The following GABRB3 variants were observed in gnomAD, a reference collection of about 807,000 sequenced individuals.
GABRB3 encodes the protein gamma-aminobutyric acid receptor subunit beta-3.
In GABRB3, 14 loss-of-function variants were observed where a neutral mutation model predicts 52.1. That is an observed-to-expected ratio of 0.27 (90% CI 0.18 to 0.42). The LOEUF (loss-of-function observed/expected upper bound fraction) is 0.42. Ranked by LOEUF, GABRB3 falls within the 10% of genes least tolerant of loss-of-function variation. The probability of loss-of-function intolerance (pLI) is 1.00; values close to 1 mark genes in which losing one functional copy is unlikely to be tolerated. For synonymous variants in GABRB3, 260 were observed against 232.3 expected, an observed-to-expected ratio of 1.12 and a Z score of -1.08; for missense variants, 307 against 609.1, an observed-to-expected ratio of 0.50 and a Z score of 5.22.
intron 3 of GABRB3, among the ~76,000 whole-genome samples, chr15:26,739,411 T>C (rs755318885): frequency 7.2e-5 from 11 of 152,016 alleles, no homozygotes; most frequent in Non-Finnish European, 1.5e-4. Context: ...AAAAACTACT[T>C]GTTTATAGCC....
At chr15:26,616,732 C>T (rs528817647) in intron 4 of GABRB3, among the ~76,000 whole-genome samples, 2 of 152,012 alleles carry the variant, frequency 1.3e-5, no homozygotes, top group South Asian at 4.2e-4. Context: ...CTACTAAAGG[C>T]TTATTATTAC....
chr15:26,761,867 C>G (rs1019816998), intron 3 of GABRB3, among the ~76,000 whole-genome samples: 1 of 152,188 alleles, frequency 6.6e-6, no homozygotes, highest in African/African-American at 2.4e-5. Context: ...CAGGGTTTCT[C>G]TCTGTCGCCC....
chr15:26,563,636 G>A (rs978895468), intron 7 of GABRB3, among the ~76,000 whole-genome samples: 6 of 152,214 alleles, frequency 3.9e-5, no homozygotes, highest in Non-Finnish European at 1.5e-5. Flanking sequence ...AACCGGCACT[G>A]TTAACACTAA....
chr15:26,665,643 C>T (rs1887687056), intron 3 of GABRB3, among the ~76,000 whole-genome samples: 1 of 152,102 alleles, frequency 6.6e-6, no homozygotes, highest in African/African-American at 2.4e-5. Context: ...CATAAATGCT[C>T]ATGTGGGCAC....
intron 3 of GABRB3, among the ~76,000 whole-genome samples, chr15:26,758,682 G>A (rs763591467): frequency 1.3e-5 from 2 of 152,020 alleles, no homozygotes; most frequent in Non-Finnish European, 2.9e-5. Context: ...TACCCCAGGT[G>A]TGCTAATTTG....
chr15:26,678,327 A>G (rs1367687061), intron 3 of GABRB3, among the ~76,000 whole-genome samples: 2 of 152,202 alleles, frequency 1.3e-5, no homozygotes, highest in African/African-American at 4.8e-5. Flanking sequence ...ATTGACACAC[A>G]TTCTAGTGCC....
At chr15:26,560,844 G>C in intron 8 of GABRB3, 88 bp downstream of exon 8, 1 of 1,571,706 alleles carries the variant, frequency 6.4e-7, no homozygotes, top group Non-Finnish European at 8.7e-7. Context: ...TACACTACTG[G>C]GGAAAAAACA....
rs990223796 is a variant in GABRB3, at chr15:26,580,714, T to G, written c.545-258A>C. 5.5e-6 allele frequency: 3 copies of G among 540,718 alleles called. No individual in the cohort carries two copies. In the African/African-American group the frequency reaches 5.7e-5, roughly 10 times the overall value. 33.5% of individuals were successfully genotyped at this position (540,718 alleles called of 1,614,324 possible). ...ATGGGTGCTCTGACCAGAGTTCTATTTGCGAAGTGTAACTTCAGAGCTGAC... is the reference window on the plus strand; with the variant it reads ...ATGGGTGCTCTGACCAGAGTTCTATGTGCGAAGTGTAACTTCAGAGCTGAC... On this transcript the variant is annotated intron_variant, in intron 5 of 8. Coordinates refer to ENST00000311550, the MANE Select transcript of GABRB3 (RefSeq NM_000814.6).
chr15:26,581,785 C>T (rs996947579), intron 5 of GABRB3, among the ~76,000 whole-genome samples: 2 of 152,232 alleles, frequency 1.3e-5, no homozygotes, highest in African/African-American at 2.4e-5. Context: ...CAGGCAACCT[C>T]GCAATCACTC....
At chr15:26,629,038 T>G in intron 3 of GABRB3, 1 of 1,536,148 alleles carries the variant, frequency 6.5e-7, no homozygotes, top group Non-Finnish European at 8.7e-7. Flanking sequence ...ATCCCGGTGC[T>G]GAGGTCCCAA....
intron 3 of GABRB3, among the ~76,000 whole-genome samples, chr15:26,717,910 T>G (rs1240572403): frequency 6.6e-6 from 1 of 152,248 alleles, no homozygotes; most frequent in Non-Finnish European, 1.5e-5. Context: ...TAAATGATAT[T>G]ATCCTCTGTT....
At chr15:26,620,750 C>T (rs1465577411) in intron 4 of GABRB3, among the ~76,000 whole-genome samples, 2 of 151,810 alleles carry the variant, frequency 1.3e-5, no homozygotes, top group African/African-American at 4.8e-5. Flanking sequence ...AAGCCCAGGG[C>T]CTCCTCACTG....
At position 26,686,704 on chromosome 15, in the gene GABRB3, G is replaced by T. The variant is rs111647036; in HGVS notation, c.241-65170C>A. The stretch of plus-strand genomic sequence containing the variant: ...CTTGCCCTGACAGTGTCCCAGGGAA[G>T]TGCTGAGACAGCATGAGCACAGCCT... On this transcript the variant is annotated intron_variant, in intron 3 of 8. Coordinates refer to ENST00000311550, the MANE Select transcript of GABRB3 (RefSeq NM_000814.6). Among the ~76,000 whole-genome samples the T allele has an allele frequency of 4.4e-3, 668 of 152,360 alleles. 8 individuals are homozygous for T. The highest frequency in any genetic ancestry group is 0.015 in the African/African-American group (640 of 41,592).
intron 3 of GABRB3, among the ~76,000 whole-genome samples, chr15:26,712,887 G>A (rs889814813): frequency 1.3e-5 from 2 of 152,180 alleles, no homozygotes; most frequent in African/African-American, 4.8e-5. Flanking sequence ...GAACCCCGCG[G>A]GCTGGGAAAC....
chr15:26,589,449 T>C (rs1468957801), intron 4 of GABRB3, among the ~76,000 whole-genome samples: 1 of 152,116 alleles, frequency 6.6e-6, no homozygotes, highest in Non-Finnish European at 1.5e-5. Flanking sequence ...CTTCCCCCAT[T>C]TGTATGAATA....
intron 4 of GABRB3, chr15:26,615,973 C>G: frequency 1.6e-6 from 2 of 1,289,160 alleles, no homozygotes; most frequent in Non-Finnish European, 2.0e-6. Context: ...AGGAACAACC[C>G]CAGCTCTCTG....
chr15:26,703,261 G>A (rs1226561808), intron 3 of GABRB3, among the ~76,000 whole-genome samples: 1 of 152,116 alleles, frequency 6.6e-6, no homozygotes, highest in East Asian at 1.9e-4. Flanking sequence ...CACCTGGTGG[G>A]GGCCTTTTTG....
At chr15:26,729,830 A>T (rs1566821693) in intron 3 of GABRB3, among the ~76,000 whole-genome samples, 1 of 152,094 alleles carries the variant, frequency 6.6e-6, no homozygotes, top group African/African-American at 2.4e-5. Flanking sequence ...AACAGCACAC[A>T]CTACCATCCA....
At chr15:26,655,528 G>T (rs923293444) in intron 3 of GABRB3, among the ~76,000 whole-genome samples, 7 of 152,086 alleles carry the variant, frequency 4.6e-5, no homozygotes, top group Non-Finnish European at 7.3e-5. Flanking sequence ...GGATCACGAG[G>T]TCAGGAGATC....
Sources: allele counts gnomAD v4.1 joint callset (sites outside exome capture counted in the v4.1 genomes callset), GRCh38; gene constraint gnomAD v4.1.1; transcripts MANE v1.5; gene names NCBI Gene and HGNC (gene_info 2026-07-23, HGNC 2026-07-21).